The following PXDN variants were observed in gnomAD, a reference collection of about 807,000 sequenced individuals.
PXDN encodes the protein peroxidasin homolog.
In PXDN, 77 loss-of-function variants were observed where a neutral mutation model predicts 140.3. That is an observed-to-expected ratio of 0.55 (90% CI 0.46 to 0.66). The LOEUF (loss-of-function observed/expected upper bound fraction) is 0.66. Among genes scored for constraint, PXDN ranks in the 30% least tolerant of loss-of-function variants. The probability of loss-of-function intolerance (pLI) is 0.00; values close to 1 mark genes in which losing one functional copy is unlikely to be tolerated. For missense variants in PXDN, 1,838 were observed against 2,039.5 expected (o/e 0.90, Z 1.90); for synonymous variants, 911 against 857.4 (o/e 1.06, Z -1.09).
chr2:1,674,929 A>G (rs970490653), intron 8 of PXDN, among the ~76,000 whole-genome samples: 6 of 152,166 alleles, frequency 3.9e-5, no homozygotes, highest in Admixed American at 1.3e-4. Context: ...GAGGAGCAGC[A>G]CCAGCACTGT....
intron 16 of PXDN, 24 bp downstream of exon 16, chr2:1,653,604 G>A: frequency 2.5e-6 from 4 of 1,610,802 alleles, no homozygotes; most frequent in Non-Finnish European, 3.4e-6. Flanking sequence ...CCATGGAGGA[G>A]GAAGAAAAGG....
At chr2:1,642,534 C>T (rs757342093) in intron 19 of PXDN, among the ~76,000 whole-genome samples, 16 of 152,240 alleles carry the variant, frequency 1.1e-4, no homozygotes, top group Non-Finnish European at 2.1e-4. Flanking sequence ...CGCAGGTCCC[C>T]AGATCCCCCC....
chr2:1,636,306 A>C (rs1682558077), intron 21 of PXDN: 1 of 152,478 alleles, frequency 6.6e-6, no homozygotes. Flanking sequence ...TCTTCTAATA[A>C]GCCTTCATAA....
intron 22 of PXDN, 68 bp downstream of exon 22, chr2:1,635,340 A>G (rs753408700): frequency 7.3e-7 from 1 of 1,367,538 alleles, no homozygotes. Flanking sequence ...CACCCACCTG[A>G]GTGGTCACAT....
intron 13 of PXDN, 127 bp from the exon 14 acceptor site, chr2:1,661,164 C>G: frequency 9.2e-7 from 1 of 1,086,146 alleles, no homozygotes; most frequent in East Asian, 2.6e-5. Context: ...AGGCTGCGCT[C>G]AGATCCATCC....
intron 4 of PXDN, among the ~76,000 whole-genome samples, chr2:1,686,979 T>C (rs1684075314): frequency 6.6e-6 from 1 of 151,776 alleles, no homozygotes; most frequent in Non-Finnish European, 1.5e-5. Flanking sequence ...GAGTGAAAGG[T>C]GACTGGCCGA....
intron 7 of PXDN, among the ~76,000 whole-genome samples, chr2:1,677,688 T>G (rs1451806967): frequency 6.6e-6 from 1 of 152,108 alleles, no homozygotes; most frequent in East Asian, 1.9e-4. Context: ...CCGTCCCTGG[T>G]GGCTGCTCCG....
At position 1,649,324 on chromosome 2, in the gene PXDN, A is replaced by G. The variant is rs1682952975; in HGVS notation, c.2456T>C (p.Met819Thr). The change falls in exon 17 of 23, where the codon ATG becomes ACG. Residue 819 changes from methionine (M) to threonine (T), a missense_variant. Coordinates refer to ENST00000252804, the MANE Select transcript of PXDN (RefSeq NM_012293.3). This position sits in a 1 kb window ranked among gnomAD's most constrained non-coding sequence, Gnocchi z 7.1. ...GTGGTCCAGGAACTGGCCCCACTGC[A>G]TCAGCATGTGGGTGAACTGCTCGTC... ...TPDEQFTHML[M>T]QWGQFLDHDL... 6.2e-7 allele frequency: 1 copy of G among 1,613,724 alleles called. No individual in the cohort carries two copies. Among genetic ancestry groups the G allele is most frequent in the Non-Finnish European group, 8.5e-7 (1 of 1,179,874 alleles).
At chr2:1,697,674 T>G (rs1358709871) in intron 1 of PXDN, among the ~76,000 whole-genome samples, 1 of 152,220 alleles carries the variant, frequency 6.6e-6, no homozygotes, top group Admixed American at 6.5e-5. Flanking sequence ...AAGCCTTCCT[T>G]GGCTCTTCCC....
At chr2:1,664,057 T>A in intron 11 of PXDN, 1 of 353,570 alleles carries the variant, frequency 2.8e-6, no homozygotes, top group South Asian at 5.1e-5. Context: ...GCGGGGTGGA[T>A]GGCCAGCTGG....
At chr2:1,691,359 G>A (rs1370398448) in intron 3 of PXDN, among the ~76,000 whole-genome samples, 1 of 152,144 alleles carries the variant, frequency 6.6e-6, no homozygotes, top group African/African-American at 2.4e-5. Context: ...TGATCTCAAC[G>A]AGCAGAAGAT....
chr2:1,727,313 T>G (rs1398216104), intron 1 of PXDN, among the ~76,000 whole-genome samples: 2 of 152,172 alleles, frequency 1.3e-5, no homozygotes, highest in Non-Finnish European at 2.9e-5. Flanking sequence ...TTCTTTGGCC[T>G]CATATTTCAG....
chr2:1,702,016 G>A (rs184591523), intron 1 of PXDN, among the ~76,000 whole-genome samples: 18 of 152,106 alleles, frequency 1.2e-4, no homozygotes, highest in African/African-American at 3.6e-4. Context: ...AGGCTGCCCC[G>A]CCTATGGCTC....
chr2:1,731,702 A>G (rs1685317893), intron 1 of PXDN, among the ~76,000 whole-genome samples: 1 of 152,206 alleles, frequency 6.6e-6, no homozygotes, highest in Non-Finnish European at 1.5e-5. Context: ...GCTCAGGCAC[A>G]AAACACGCAG....
At position 1,677,977 on chromosome 2, in the gene PXDN, G is replaced by A. The variant is rs150584152; in HGVS notation, c.731-933C>T. Among the ~76,000 whole-genome samples, 1,381 of 152,274 alleles carry A rather than the reference G, an allele frequency of 9.1e-3. 11 individuals carry two copies. The highest frequency in any genetic ancestry group is 0.031 in the Middle Eastern group (9 of 294). On this transcript the variant is annotated intron_variant, in intron 7 of 22. Coordinates refer to ENST00000252804, the MANE Select transcript of PXDN (RefSeq NM_012293.3). Reference sequence around the variant, plus strand: ...TCTGCTCAGTGCTGCCATTCTGCCCGGCAACCAAAACCAAGGCCCTCGACC... The same window carrying A: ...TCTGCTCAGTGCTGCCATTCTGCCCAGCAACCAAAACCAAGGCCCTCGACC...
At chr2:1,730,832 A>G (rs1334611421) in intron 1 of PXDN, among the ~76,000 whole-genome samples, 2 of 152,174 alleles carry the variant, frequency 1.3e-5, no homozygotes, top group African/African-American at 4.8e-5. Flanking sequence ...GCTGTGACCT[A>G]TGGTTCCAGT....
intron 1 of PXDN, among the ~76,000 whole-genome samples, chr2:1,726,944 T>G (rs1263651091): frequency 6.6e-6 from 1 of 152,162 alleles, no homozygotes; most frequent in Non-Finnish European, 1.5e-5. Context: ...AGACAGGGCT[T>G]TGGGAAGGGA....
intron 14 of PXDN, among the ~76,000 whole-genome samples, chr2:1,659,827 T>G (rs1013748469): frequency 6.6e-5 from 10 of 152,208 alleles, no homozygotes; most frequent in Admixed American, 6.5e-4. Context: ...CTTTGAGGAA[T>G]TCCATTACGG....
Position 1,662,135 on chromosome 2 carries a change from G to A in PXDN, c.1617C>T (p.Gly539=), listed in dbSNP as rs746499255. The A allele has an allele frequency of 2.3e-5, 37 of 1,596,354 alleles. No homozygotes were observed. Among genetic ancestry groups the A allele is most frequent in the African/African-American group, 1.7e-4 (13 of 74,808 alleles). ...AGCTGCACGGGAGCTGCACATTGGC[G>A]CCCACCTCCACTGTTGTGTCGCTGG... is the stretch of plus-strand genomic sequence containing the variant. ...SIPSDTTVEV[G]ANVQLPCSSQ... is the part of the protein sequence containing the mutation. Residue 539 remains glycine, a synonymous_variant, in exon 13 of 23, where the codon GGC becomes GGT. Coordinates refer to ENST00000252804, the MANE Select transcript of PXDN (RefSeq NM_012293.3).
Sources: allele counts gnomAD v4.1 joint callset (sites outside exome capture counted in the v4.1 genomes callset), GRCh38; gene constraint gnomAD v4.1.1; non-coding constraint Gnocchi (gnomAD v3.1); transcripts MANE v1.5; gene names NCBI Gene and HGNC (gene_info 2026-07-23, HGNC 2026-07-21).